The following CDKAL1 variants were observed in gnomAD, a reference collection of about 807,000 sequenced individuals.
CDKAL1 encodes the protein threonylcarbamoyladenosine tRNA methylthiotransferase.
CDKAL1 carries 32 observed loss-of-function variants against 68.2 expected under a neutral mutation model. The observed-to-expected ratio is 0.47, with a 90% CI of 0.35 to 0.63. CDKAL1 has a LOEUF of 0.63. Ranked by LOEUF, CDKAL1 falls within the 30% of genes least tolerant of loss-of-function variation. The probability of loss-of-function intolerance (pLI) is 0.00; values close to 1 mark genes in which losing one functional copy is unlikely to be tolerated. For missense variants in CDKAL1, 606 were observed against 696.7 expected, an observed-to-expected ratio of 0.87 and a Z score of 1.47; for synonymous variants, 234 against 244.3, an observed-to-expected ratio of 0.96 and a Z score of 0.39.
intron 8 of CDKAL1, among the ~76,000 whole-genome samples, chr6:20,797,103 G>A (rs571870321): frequency 1.4e-4 from 22 of 152,278 alleles, no homozygotes; most frequent in African/African-American, 5.3e-4. Flanking sequence ...TGCAGGCTGG[G>A]AGAACATATT....
chr6:20,736,258 C>G (rs1422268555), intron 5 of CDKAL1, among the ~76,000 whole-genome samples: 1 of 152,034 alleles, frequency 6.6e-6, no homozygotes. Flanking sequence ...TTGTCTATGG[C>G]TGCTTTTGCA....
chr6:20,840,597 G>C (rs1778136141), intron 8 of CDKAL1, among the ~76,000 whole-genome samples: 1 of 152,126 alleles, frequency 6.6e-6, no homozygotes, highest in Admixed American at 6.6e-5. Context: ...GAGGAGTTTT[G>C]GGCACAGGAA....
intron 8 of CDKAL1, among the ~76,000 whole-genome samples, chr6:20,784,492 C>T (rs1237066968): frequency 1.7e-5 from 2 of 119,600 alleles, no homozygotes; most frequent in Non-Finnish European, 3.2e-5. Context: ...GGCACCATCT[C>T]GGCTCACTGC....
intron 5 of CDKAL1, among the ~76,000 whole-genome samples, chr6:20,724,209 A>G (rs999501487): frequency 6.6e-6 from 1 of 151,460 alleles, no homozygotes; most frequent in African/African-American, 2.4e-5. Flanking sequence ...AAGTGCTGGG[A>G]TTACAGGCAT....
intron 4 of CDKAL1, among the ~76,000 whole-genome samples, chr6:20,585,351 C>T (rs1018201641): frequency 2.0e-5 from 3 of 152,180 alleles, no homozygotes; most frequent in South Asian, 2.1e-4. Context: ...TGCGCCCGGC[C>T]GATAATCTTG....
intron 4 of CDKAL1, among the ~76,000 whole-genome samples, chr6:20,611,978 C>T (rs1581819033): frequency 6.6e-6 from 1 of 152,128 alleles, no homozygotes; most frequent in South Asian, 2.1e-4. Context: ...ATTTTTAGCC[C>T]CCACATGAGT....
intron 5 of CDKAL1, 73 bp from the exon 6 acceptor site, chr6:20,739,446 T>C: frequency 2.4e-6 from 2 of 836,976 alleles, no homozygotes; most frequent in Non-Finnish European, 3.9e-6. Context: ...AGAACTAATA[T>C]GCACTAACAA....
intron 9 of CDKAL1, among the ~76,000 whole-genome samples, chr6:20,861,396 T>C (rs1174867162): frequency 6.6e-6 from 1 of 152,252 alleles, no homozygotes; most frequent in Admixed American, 6.5e-5. Context: ...AGGCCATGTG[T>C]GCCATGGGCA....
intron 9 of CDKAL1, among the ~76,000 whole-genome samples, chr6:20,923,257 A>G (rs1033443564): frequency 2.6e-5 from 4 of 151,868 alleles, no homozygotes; most frequent in African/African-American, 7.3e-5. Context: ...ACCTCCTTTT[A>G]TTGCACTTTG....
intron 4 of CDKAL1, among the ~76,000 whole-genome samples, chr6:20,560,000 A>C (rs1764206276): frequency 6.6e-6 from 1 of 152,104 alleles, no homozygotes; most frequent in Admixed American, 6.5e-5. Flanking sequence ...TGGGGAGAAA[A>C]AACTTCTGAG....
At chr6:20,544,155 T>A (rs1476903793) in intron 2 of CDKAL1, among the ~76,000 whole-genome samples, 1 of 152,202 alleles carries the variant, frequency 6.6e-6, no homozygotes, top group African/African-American at 2.4e-5. Context: ...ACGAATTGTT[T>A]AAAAAGCAAT....
intron 10 of CDKAL1, among the ~76,000 whole-genome samples, chr6:20,988,401 G>C (rs888146376): frequency 6.6e-6 from 1 of 152,028 alleles, no homozygotes; most frequent in Admixed American, 6.6e-5. Context: ...AGCTATCTGC[G>C]CATTCAGTAG....
chr6:21,013,869 G>C (rs74634554), intron 11 of CDKAL1, among the ~76,000 whole-genome samples: 1 of 152,264 alleles, frequency 6.6e-6, no homozygotes, highest in Non-Finnish European at 1.5e-5. Context: ...AGACAAGATA[G>C]ATAGATATCA....
At chr6:20,804,271 G>T (rs920235153) in intron 8 of CDKAL1, among the ~76,000 whole-genome samples, 1 of 152,160 alleles carries the variant, frequency 6.6e-6, no homozygotes, top group African/African-American at 2.4e-5. Flanking sequence ...AGAAACAGTT[G>T]TGAATTAGTT....
intron 11 of CDKAL1, among the ~76,000 whole-genome samples, chr6:21,015,087 C>CCAGGTGCCTAGTA: frequency 1.3e-5 from 2 of 152,262 alleles, no homozygotes; most frequent in East Asian, 3.9e-4. Context: ...ATTAACAATC[C>CCAGGTGCCTAGTA]CAGGTGTCTA....
intron 10 of CDKAL1, among the ~76,000 whole-genome samples, chr6:20,996,299 C>T (rs1767103095): frequency 1.3e-5 from 2 of 152,176 alleles, no homozygotes; most frequent in African/African-American, 4.8e-5. Context: ...AAGAACTTTT[C>T]CTTTGCATTC....
intron 4 of CDKAL1, among the ~76,000 whole-genome samples, chr6:20,552,152 A>G (rs1326535147): frequency 6.6e-6 from 1 of 151,924 alleles, no homozygotes; most frequent in Non-Finnish European, 1.5e-5. Context: ...GTTTGAGACC[A>G]GTGTTGGCAA....
intron 8 of CDKAL1, among the ~76,000 whole-genome samples, chr6:20,783,051 T>TC (rs1775500867): frequency 6.6e-6 from 1 of 152,126 alleles, no homozygotes; most frequent in South Asian, 2.1e-4. Flanking sequence ...TGTCTCAGCC[T>TC]CCCGAGTAAC....
At chr6:21,151,663 G>A (rs991118652) in intron 13 of CDKAL1, among the ~76,000 whole-genome samples, 11 of 152,124 alleles carry the variant, frequency 7.2e-5, no homozygotes, top group Non-Finnish European at 8.8e-5. Flanking sequence ...TTCTCATTAT[G>A]GAACATTTGC....
Sources: allele counts gnomAD v4.1 joint callset (sites outside exome capture counted in the v4.1 genomes callset), GRCh38; gene constraint gnomAD v4.1.1; transcripts MANE v1.5; gene names NCBI Gene and HGNC (gene_info 2026-07-23, HGNC 2026-07-21).